Variants in ADGRL2 observed in about 807,000 individuals in gnomAD.
The protein encoded by ADGRL2 is calcium-independent alpha-latrotoxin receptor 2.
ADGRL2 carries 44 observed loss-of-function variants against 157.4 expected under a neutral mutation model. The ratio of observed to expected loss-of-function variants is 0.28; its 90% CI spans 0.22 to 0.36. The LOEUF (loss-of-function observed/expected upper bound fraction) is 0.36, where lower values mean the gene tolerates loss of function less well. Among genes scored for constraint, ADGRL2 ranks in the 10% least tolerant of loss-of-function variants. ADGRL2 has a pLI of 1.00. For missense variants in ADGRL2, 1,510 were observed against 1,768.9 expected (o/e 0.85, Z 2.63); for synonymous variants, 585 against 624.7 (o/e 0.94, Z 0.95).
intron 2 of ADGRL2, among the ~76,000 whole-genome samples, chr1:81,543,875 A>G (rs2079949587): frequency 6.6e-6 from 1 of 152,074 alleles, no homozygotes; most frequent in Non-Finnish European, 1.5e-5. Context: ...TCAACTTCAT[A>G]CGTCTGTTGA....
At chr1:81,939,651 T>C (rs1207074653) in intron 4 of ADGRL2, among the ~76,000 whole-genome samples, 1 of 151,518 alleles carries the variant, frequency 6.6e-6, no homozygotes, top group Non-Finnish European at 1.5e-5. Context: ...TCGTGGGTCA[T>C]ATACTTGTAT....
chr1:81,463,564 T>A (rs72715558), intron 2 of ADGRL2, among the ~76,000 whole-genome samples: 3,253 of 151,988 alleles, frequency 0.021, 60 homozygotes, highest in Non-Finnish European at 0.029. Context: ...GAAAAGGAGG[T>A]TTTCCTCTGG....
intron 2 of ADGRL2, among the ~76,000 whole-genome samples, chr1:81,858,122 A>G (rs1001117460): frequency 6.6e-6 from 1 of 152,162 alleles, no homozygotes; most frequent in Non-Finnish European, 1.5e-5. Context: ...ATATTATATA[A>G]TCTCTAACAC....
intron 3 of ADGRL2, among the ~76,000 whole-genome samples, chr1:81,632,202 G>A (rs997404790): frequency 2.0e-5 from 3 of 152,198 alleles, no homozygotes; most frequent in South Asian, 2.1e-4. Flanking sequence ...TGAGAGAGAC[G>A]ACTACAAAGC....
chr1:81,659,050 C>G (rs1300568228), intron 3 of ADGRL2, among the ~76,000 whole-genome samples: 1 of 119,920 alleles, frequency 8.3e-6, no homozygotes, highest in South Asian at 2.8e-4. Context: ...CCACACCCAG[C>G]AATTTTTTTT....
At chr1:81,693,010 A>T (rs1196123651) in intron 3 of ADGRL2, among the ~76,000 whole-genome samples, 4 of 152,022 alleles carry the variant, frequency 2.6e-5, no homozygotes, top group Non-Finnish European at 2.9e-5. Flanking sequence ...GTGTAAAAGG[A>T]TTTTCATACT....
At position 81,467,401 on chromosome 1, in the gene ADGRL2, G is replaced by A. The variant is rs796242912; in HGVS notation, c.-248+22312G>A. The stretch of plus-strand genomic sequence containing the variant: ...CCCCCTCTTTAAAAAAGACAGGGAG[G>A]AAAACAAAGAGTAAAAATAAATGCT... On this transcript the variant is annotated intron_variant, in intron 2 of 24. Transcript: ENST00000370721. Among the ~76,000 whole-genome samples the A allele has an allele frequency of 9.2e-5, 14 of 152,190 alleles. 1 individual carries two copies. Among genetic ancestry groups the A allele is most frequent in the African/African-American group, 3.4e-4 (14 of 41,522 alleles).
chr1:81,605,524 C>T (rs1358093781), intron 3 of ADGRL2, among the ~76,000 whole-genome samples: 1 of 152,160 alleles, frequency 6.6e-6, no homozygotes, highest in Non-Finnish European at 1.5e-5. Context: ...AGTTGAGACC[C>T]TTCTTCATCA....
At position 81,426,793 on chromosome 1, in the gene ADGRL2, G is replaced by C. The variant is rs1231004670; in HGVS notation, c.-301-18243G>C. The C allele has an allele frequency of 1.3e-5, 6 of 478,862 alleles. No homozygotes were observed. In the East Asian group the frequency reaches 2.0e-4, roughly 16 times the overall value. The allele number at this position is 478,862 out of a possible 1,614,324, so 29.7% of individuals were successfully genotyped here. ...GGAACCAAAGATAACTCTTTCTAGA[G>C]AGGAGTCGATAAAGCCTGATGCCCA... On this transcript the variant is annotated intron_variant, in intron 1 of 24. Coordinates refer to the ADGRL2 transcript ENST00000370721.
At chr1:81,355,453 G>C (rs1212396662) in intron 1 of ADGRL2, among the ~76,000 whole-genome samples, 1 of 152,084 alleles carries the variant, frequency 6.6e-6, no homozygotes, top group Non-Finnish European at 1.5e-5. Flanking sequence ...ATATATATGT[G>C]TACATATATT....
At chr1:81,330,354 G>A (rs1013650595) in intron 1 of ADGRL2, among the ~76,000 whole-genome samples, 3 of 152,084 alleles carry the variant, frequency 2.0e-5, no homozygotes, top group African/African-American at 7.2e-5. Context: ...ACATCTGCAG[G>A]TCATATCTGA....
At chr1:81,426,274 G>T (rs2077214018) in intron 1 of ADGRL2, among the ~76,000 whole-genome samples, 1 of 152,048 alleles carries the variant, frequency 6.6e-6, no homozygotes, top group Admixed American at 6.5e-5. Context: ...TCATATGAGG[G>T]TCTTGTGGCC....
chr1:81,522,057 T>C (rs764120361), intron 2 of ADGRL2, among the ~76,000 whole-genome samples: 5 of 151,312 alleles, frequency 3.3e-5, no homozygotes, highest in African/African-American at 4.9e-5. Flanking sequence ...CTCTGCCTCC[T>C]GGGTTCCGGC....
chr1:81,895,415 T>TTTTG (rs2094362071), intron 2 of ADGRL2, among the ~76,000 whole-genome samples: 1 of 126,602 alleles, frequency 7.9e-6, no homozygotes, highest in Non-Finnish European at 1.7e-5. Flanking sequence ...TTTTTTTTTT[T>TTTTG]GAGATGGAGT....
At chr1:81,400,948 G>C (rs1171263789) in intron 1 of ADGRL2, among the ~76,000 whole-genome samples, 1 of 152,152 alleles carries the variant, frequency 6.6e-6, no homozygotes, top group Admixed American at 6.5e-5. Flanking sequence ...TAGCTGTTCA[G>C]TTCGGCCAAG....
At chr1:81,464,424 C>G (rs2078007453) in intron 2 of ADGRL2, among the ~76,000 whole-genome samples, 1 of 147,954 alleles carries the variant, frequency 6.8e-6, no homozygotes, top group South Asian at 2.2e-4. Flanking sequence ...ACATCCCACA[C>G]AGCAGGGGAA....
intron 2 of ADGRL2, among the ~76,000 whole-genome samples, chr1:81,573,366 T>G (rs574048750): frequency 6.6e-6 from 1 of 152,046 alleles, no homozygotes; most frequent in Non-Finnish European, 1.5e-5. Context: ...CTTTTTCCTC[T>G]CCTTGTTTCT....
intron 2 of ADGRL2, among the ~76,000 whole-genome samples, chr1:81,866,230 G>C (rs554348750): frequency 6.6e-6 from 1 of 152,060 alleles, no homozygotes; most frequent in East Asian, 1.9e-4. Flanking sequence ...GCATCCTTTA[G>C]GCCTTGGTTC....
intron 1 of ADGRL2, among the ~76,000 whole-genome samples, chr1:81,718,667 G>A (rs1183095898): frequency 1.3e-5 from 2 of 152,226 alleles, no homozygotes; most frequent in Non-Finnish European, 2.9e-5. Context: ...CTGCTGGAGA[G>A]TGGAGACTTT....
Sources: allele counts gnomAD v4.1 joint callset (sites outside exome capture counted in the v4.1 genomes callset), GRCh38; gene constraint gnomAD v4.1.1; transcripts MANE v1.5; gene names NCBI Gene and HGNC (gene_info 2026-07-23, HGNC 2026-07-21).